The following NUCKS1 variants were observed in gnomAD, a reference collection of about 807,000 sequenced individuals.
The protein encoded by NUCKS1 is nuclear casein kinase and cyclin dependent kinase substrate 1, also known as nuclear ubiquitous casein and cyclin-dependent kinase substrate 1.
In NUCKS1, 2 loss-of-function variants were observed where a neutral mutation model predicts 33.0. The observed-to-expected ratio is 0.06, with a 90% CI of 0.02 to 0.19. NUCKS1 has a LOEUF of 0.19. NUCKS1 is among the 10% of genes least tolerant of loss of function. The pLI, the probability that NUCKS1 is intolerant of heterozygous loss-of-function variation, is 1.00. For missense variants in NUCKS1, 201 were observed against 293.6 expected (o/e 0.68, Z 2.31); for synonymous variants, 106 against 102.8 (o/e 1.03, Z -0.19).
intron 2 of NUCKS1, among the ~76,000 whole-genome samples, chr1:205,728,714 A>G (rs951730797): frequency 1.3e-5 from 2 of 152,204 alleles, no homozygotes; most frequent in Admixed American, 1.3e-4. Context: ...AATAGTAAAC[A>G]TACCTGGAAA....
intron 1 of NUCKS1, among the ~76,000 whole-genome samples, chr1:205,736,002 A>G (rs924193649): frequency 6.6e-6 from 1 of 152,108 alleles, no homozygotes; most frequent in African/African-American, 2.4e-5. Flanking sequence ...GAGTGCATGA[A>G]GTGCAGTGGT....
rs1037252130 is a variant in NUCKS1 at position 205,715,274 on chromosome 1, A to C, written c.*3006T>G. 1 of 152,240 alleles carries C rather than the reference A, an allele frequency of 6.6e-6. No homozygotes were observed. Among genetic ancestry groups the C allele is most frequent in the Non-Finnish European group, 1.5e-5 (1 of 68,044 alleles). The allele number at this position is 152,240 out of a possible 1,614,324, so 9.4% of individuals were successfully genotyped here. A position where few individuals can be genotyped will look rare whatever the true frequency, so the allele number is the denominator to read the frequency against. Reference sequence around the variant, plus strand: ...GGGGCAAACAGGTTATTGTGAAAACAGTCAATATGTAAGCTCCTTCAAGGG... The same window carrying C: ...GGGGCAAACAGGTTATTGTGAAAACCGTCAATATGTAAGCTCCTTCAAGGG... On this transcript the variant is annotated 3_prime_UTR_variant, in exon 7 of 7. Coordinates refer to ENST00000367142, the MANE Select transcript of NUCKS1 (RefSeq NM_022731.5).
At chr1:205,746,449 T>TCACACACACACA (rs1443830898) in intron 1 of NUCKS1, among the ~76,000 whole-genome samples, 2 of 108,050 alleles carry the variant, frequency 1.9e-5, no homozygotes, top group African/African-American at 7.3e-5. Context: ...TCTCTCTCTC[T>TCACACACACACA]CTCTCACACA....
In NUCKS1 at chr1:205,718,243, T is replaced by G. The variant is rs751691818; in HGVS notation, c.*37A>C. 3.1e-6 allele frequency: 4 copies of G among 1,294,372 alleles called. No individual in the cohort carries two copies. Among genetic ancestry groups the G allele is most frequent in the Admixed American group, 2.4e-5 (1 of 41,124 alleles). The allele number at this position is 1,294,372 out of a possible 1,614,324, so 80.2% of individuals were successfully genotyped here. On this transcript the variant is annotated 3_prime_UTR_variant, in exon 7 of 7. Coordinates refer to ENST00000367142, the MANE Select transcript of NUCKS1 (RefSeq NM_022731.5). ...CTCTTTTTTCTTTTTTTTTCTTTTT[T>G]TTTTTAATAAAATCTCTCCCCAGAC... is the stretch of plus-strand genomic sequence containing the variant.
intron 3 of NUCKS1, among the ~76,000 whole-genome samples, chr1:205,724,700 C>A (rs553318108): frequency 6.6e-6 from 1 of 151,588 alleles, no homozygotes; most frequent in Admixed American, 6.6e-5. Flanking sequence ...TCCCCACCCC[C>A]CCCAAAAAAA....
At chr1:205,742,511 C>T (rs1654203100) in intron 1 of NUCKS1, among the ~76,000 whole-genome samples, 1 of 152,186 alleles carries the variant, frequency 6.6e-6, no homozygotes, top group Non-Finnish European at 1.5e-5. Context: ...CCGAAGTGGT[C>T]TTGTGCTAAA....
intron 1 of NUCKS1, among the ~76,000 whole-genome samples, chr1:205,730,024 AAAAAAAAAAGAAAAG>A (rs1304347532): frequency 3.3e-5 from 5 of 151,620 alleles, no homozygotes; most frequent in African/African-American, 9.7e-5. Context: ...TCCATCTCAA[AAAAAAAAAAGAAAAG>A]AAAAAAAAAG....
In NUCKS1 at chr1:205,713,726, C is replaced by T. The variant is rs1403416240; in HGVS notation, c.*4554G>A. On this transcript the variant is annotated 3_prime_UTR_variant, in exon 7 of 7. Coordinates refer to ENST00000367142, the MANE Select transcript of NUCKS1 (RefSeq NM_022731.5). ...CACTGTTAAGGTATTGCAAGAATGC[C>T]CAACCCTCTGGTGTCTGATCATGTA... 6.6e-6 allele frequency: 1 copy of T among 152,170 alleles called. No individual in the cohort carries two copies. The highest frequency in any genetic ancestry group is 1.5e-5 in the Non-Finnish European group (1 of 68,034). 9.4% of individuals were successfully genotyped at this position (152,170 alleles called of 1,614,324 possible). A position where few individuals can be genotyped will look rare whatever the true frequency, so the allele number is the denominator to read the frequency against.
intron 1 of NUCKS1, among the ~76,000 whole-genome samples, chr1:205,731,618 G>A (rs972623444): frequency 3.9e-5 from 6 of 152,082 alleles, no homozygotes; most frequent in Admixed American, 1.3e-4. Context: ...TAGGCCAGGC[G>A]CAGTGGCTCA....
At chr1:205,723,690 G>C (rs542137220) in intron 4 of NUCKS1, among the ~76,000 whole-genome samples, 18 of 152,198 alleles carry the variant, frequency 1.2e-4, no homozygotes, top group African/African-American at 4.3e-4. Flanking sequence ...ATCCCACTTA[G>C]ATCTATTTAA....
Position 205,718,433 on chromosome 1 carries a change from T to C in NUCKS1, c.579A>G (p.Thr193=). The change falls in exon 7 of 7, where the codon ACA becomes ACG. Residue 193 remains threonine (T), a synonymous_variant. Coordinates refer to ENST00000367142, the MANE Select transcript of NUCKS1 (RefSeq NM_022731.5). ...TCTTTTCCTTTGATGCCTTTGAAGC[T>C]GTGGGGCGACCCACTTTCCCTTTGC... The part of the protein sequence containing the change: ...VKGKGKVGRP[T]ASKASKEKTP... 1.2e-6 allele frequency: 2 copies of C among 1,612,784 alleles called. No individual in the cohort carries two copies. Among genetic ancestry groups the C allele is most frequent in the South Asian group, 2.2e-5 (2 of 91,010 alleles).
rs763124737 is a variant in NUCKS1 at position 205,718,322 on chromosome 1, C to T, written c.690G>A (p.Gly230=). ...TSTSPPPEKS[G]DEGSEDEAPS... ...GGGCTTCATCTTCAGACCCTTCATC[C>T]CCAGATTTCTCGGGTGGGGGGCTTG... The change falls in exon 7 of 7, where the codon GGG becomes GGA. Residue 230 remains glycine, a synonymous_variant. Coordinates refer to ENST00000367142, the MANE Select transcript of NUCKS1 (RefSeq NM_022731.5). 2 of 1,613,300 alleles carry T rather than the reference C, an allele frequency of 1.2e-6. No individual in the cohort carries two copies. Among genetic ancestry groups the T allele is most frequent in the Non-Finnish European group, 1.7e-6 (2 of 1,179,862 alleles).
intron 3 of NUCKS1, among the ~76,000 whole-genome samples, chr1:205,727,054 C>G (rs1653798667): frequency 6.6e-6 from 1 of 152,080 alleles, no homozygotes; most frequent in South Asian, 2.1e-4. Flanking sequence ...GCCTTGAACT[C>G]CTGGGCTCAA....
chr1:205,748,618 C>A lies in NUCKS1; in HGVS notation c.17+1339G>T, dbSNP rs11240563. ...GCTAACAGCAGCTTTCTCCTCATTCCCACCCCGTGTGTAGGAGTACGCAGT... is the reference window on the plus strand; with the variant it reads ...GCTAACAGCAGCTTTCTCCTCATTCACACCCCGTGTGTAGGAGTACGCAGT... On this transcript the variant is annotated intron_variant, in intron 1 of 6. Coordinates refer to ENST00000367142, the MANE Select transcript of NUCKS1 (RefSeq NM_022731.5). Among the ~76,000 whole-genome samples the A allele has an allele frequency of 7.7e-4, 117 of 152,266 alleles. 1 individual carries two copies. Among genetic ancestry groups the A allele is most frequent in the African/African-American group, 2.6e-3 (108 of 41,562 alleles).
At position 205,718,157 on chromosome 1, in the gene NUCKS1, C is replaced by T; in HGVS notation, c.*123G>A. 7.4e-7 allele frequency: 1 copy of T among 1,355,760 alleles called. No individual in the cohort carries two copies. The highest frequency in any genetic ancestry group is 9.4e-7 in the Non-Finnish European group (1 of 1,059,846). The allele number at this position is 1,355,760 out of a possible 1,614,324, so 84.0% of individuals were successfully genotyped here. A position where few individuals can be genotyped will look rare whatever the true frequency, so the allele number is the denominator to read the frequency against. On this transcript the variant is annotated 3_prime_UTR_variant, in exon 7 of 7. Coordinates refer to ENST00000367142, the MANE Select transcript of NUCKS1 (RefSeq NM_022731.5). ...ACAAATGGAAAAAAGCACTGAAAGCCCATGAGTCAAGCCATAGCCAAAACC... is the reference window on the plus strand; with the variant it reads ...ACAAATGGAAAAAAGCACTGAAAGCTCATGAGTCAAGCCATAGCCAAAACC...
In NUCKS1 at chr1:205,718,227, CT is replaced by C. The variant is rs1207522936; in HGVS notation, c.*52del. 20 of 861,738 alleles carry C rather than the reference CT, an allele frequency of 2.3e-5. No homozygotes were observed. Among genetic ancestry groups the C allele is most frequent in the East Asian group, 1.7e-4 (7 of 41,340 alleles). 53.4% of individuals were successfully genotyped at this position (861,738 alleles called of 1,614,324 possible). On this transcript the variant is annotated 3_prime_UTR_variant, in exon 7 of 7. Transcript: ENST00000367142. ...TTCTTTTTTTTCCTCCCTCTTTTTTCTTTTTTTTTCTTTTTTTTTTTAATAA... is the reference window on the plus strand; with the variant it reads ...TTCTTTTTTTTCCTCCCTCTTTTTTCTTTTTTTTCTTTTTTTTTTTAATAA...
chr1:205,749,344 A>G (rs1654415870), intron 1 of NUCKS1, among the ~76,000 whole-genome samples: 1 of 152,166 alleles, frequency 6.6e-6, no homozygotes, highest in African/African-American at 2.4e-5. Flanking sequence ...GGGGGAAAAA[A>G]ACGGGTCCCG....
chr1:205,722,154 C>CA (rs1671930208), intron 4 of NUCKS1, among the ~76,000 whole-genome samples: 2 of 151,948 alleles, frequency 1.3e-5, no homozygotes, highest in African/African-American at 4.8e-5. Context: ...TGGCTCATTG[C>CA]AGCCTGTGCC....
At chr1:205,747,171 G>T (rs573504460) in intron 1 of NUCKS1, among the ~76,000 whole-genome samples, 88 of 152,130 alleles carry the variant, frequency 5.8e-4, no homozygotes, top group African/African-American at 2.0e-3. Flanking sequence ...TGCGGGTGGG[G>T]ACCAGAATTG....
Sources: gnomAD v4.1 joint callset for allele counts (sites outside exome capture counted in the v4.1 genomes callset) on GRCh38, gnomAD v4.1.1 for gene constraint, MANE v1.5 for transcripts, NCBI Gene and HGNC (gene_info 2026-07-23, HGNC 2026-07-21) for gene names.